The following DCK variants were observed in gnomAD, a reference collection of about 807,000 sequenced individuals.
DCK encodes deoxycytidine kinase.
A neutral mutation model predicts 38.3 loss-of-function variants in DCK; 23 were observed. The ratio of observed to expected loss-of-function variants is 0.60; its 90% confidence interval spans 0.43 to 0.85. The LOEUF (loss-of-function observed/expected upper bound fraction) is 0.85. Ranked by LOEUF, DCK falls within the 40% of genes least tolerant of loss-of-function variation. DCK has a pLI of 0.00. For missense variants in DCK, 259 were observed against 304.4 expected (o/e 0.85, Z 1.11); for synonymous variants, 108 against 100.6 (o/e 1.07, Z -0.44).
intron 2 of DCK, among the ~76,000 whole-genome samples, chr4:71,012,943 G>T (rs1471661712): frequency 6.6e-6 from 1 of 152,200 alleles, no homozygotes; most frequent in East Asian, 1.9e-4. Context: ...AGAGAAGAAG[G>T]CTTCAGATAA....
In DCK at chr4:71,007,916, G is replaced by A. The variant is rs555977531; in HGVS notation, c.207+9734G>A. Among the ~76,000 whole-genome samples the A allele has an allele frequency of 1.2e-3, 176 of 152,146 alleles. 1 individual carries two copies. The highest frequency in any genetic ancestry group is 4.5e-3 in the Admixed American group (69 of 15,276). ...TAATTTTTGTATTTTTTATAGAGACGGGGTTTTGCCATGTTACCCAGGCTG... is the reference window on the plus strand; with the variant it reads ...TAATTTTTGTATTTTTTATAGAGACAGGGTTTTGCCATGTTACCCAGGCTG... On this transcript the variant is annotated intron_variant, in intron 2 of 6. Transcript: ENST00000286648.
At chr4:71,014,392 T>C (rs2148916465) in intron 2 of DCK, among the ~76,000 whole-genome samples, 1 of 152,336 alleles carries the variant, frequency 6.6e-6, no homozygotes, top group East Asian at 1.9e-4. Flanking sequence ...TATCCAGGAA[T>C]TGAGCTCAGC....
intron 1 of DCK, among the ~76,000 whole-genome samples, chr4:70,996,030 A>AATGCTGAAAAAATG (rs1739652583): frequency 6.6e-6 from 1 of 152,118 alleles, no homozygotes; most frequent in Non-Finnish European, 1.5e-5. Context: ...CATAGTGAGA[A>AATGCTGAAAAAATG]CTAGTCTCTA....
intron 2 of DCK, among the ~76,000 whole-genome samples, chr4:71,001,559 T>C (rs912559180): frequency 2.0e-5 from 3 of 152,202 alleles, no homozygotes; most frequent in Non-Finnish European, 4.4e-5. Context: ...TCAGAAGGAA[T>C]AGTACCAGTT....
At chr4:70,996,517 G>T (rs1034473846) in intron 1 of DCK, among the ~76,000 whole-genome samples, 1 of 152,188 alleles carries the variant, frequency 6.6e-6, no homozygotes, top group Non-Finnish European at 1.5e-5. Context: ...GATGGAGCAT[G>T]TTCCTTGCCA....
chr4:71,011,928 C>G (rs1240585606), intron 2 of DCK, among the ~76,000 whole-genome samples: 2 of 152,048 alleles, frequency 1.3e-5, no homozygotes, highest in African/African-American at 4.8e-5. Flanking sequence ...CTGTATGTAT[C>G]TTTTACATAG....
intron 1 of DCK, among the ~76,000 whole-genome samples, chr4:70,994,767 C>T (rs1484910406): frequency 1.3e-5 from 2 of 152,162 alleles, no homozygotes; most frequent in African/African-American, 2.4e-5. Context: ...GTTCCTCACC[C>T]CTTACTCCAC....
At chr4:71,010,828 A>T (rs892260296) in intron 2 of DCK, among the ~76,000 whole-genome samples, 3 of 151,638 alleles carry the variant, frequency 2.0e-5, no homozygotes, top group African/African-American at 7.2e-5. Flanking sequence ...CTTTTATCCA[A>T]TACTTCTTAC....
chr4:71,018,263 A>C (rs1279769612), intron 2 of DCK, among the ~76,000 whole-genome samples: 1 of 151,668 alleles, frequency 6.6e-6, no homozygotes, highest in Non-Finnish European at 1.5e-5. Flanking sequence ...AGTAGCTGAG[A>C]CTACAGGCGC....
chr4:70,993,791 A>C lies in DCK; in HGVS notation c.-45A>C, dbSNP rs1308964306. ...GTGCGCGCACCCGTGGCCGCCTCCC[A>C]GCCCTCTTTGCCGGACGAGCTCTGG... On this transcript the variant is annotated 5_prime_UTR_variant, in exon 1 of 7. Transcript: ENST00000286648. The C allele has an allele frequency of 5.5e-6, 8 of 1,447,544 alleles. No homozygotes were observed. The highest frequency in any genetic ancestry group is 1.8e-5 in the Admixed American group (1 of 56,638). 89.7% of individuals were successfully genotyped at this position (1,447,544 alleles called of 1,614,324 possible). A position where few individuals can be genotyped will look rare whatever the true frequency, so the allele number is the denominator to read the frequency against.
chr4:71,015,401 G>C (rs1309474938), intron 2 of DCK, among the ~76,000 whole-genome samples: 2 of 152,170 alleles, frequency 1.3e-5, no homozygotes, highest in Non-Finnish European at 2.9e-5. Context: ...CCAATCAATA[G>C]AAAAAGAGGG....
chr4:71,023,137 T>G (rs1053948483), intron 3 of DCK, among the ~76,000 whole-genome samples: 3 of 152,222 alleles, frequency 2.0e-5, no homozygotes, highest in Admixed American at 2.0e-4. Context: ...CATATTAATA[T>G]AAATACATTT....
intron 2 of DCK, among the ~76,000 whole-genome samples, chr4:71,015,760 T>G (rs541527841): frequency 1.3e-5 from 2 of 152,318 alleles, no homozygotes; most frequent in African/African-American, 4.8e-5. Flanking sequence ...TCTCAATAAA[T>G]TAGGTATTGG....
chr4:71,011,428 C>T (rs1319402383), intron 2 of DCK, among the ~76,000 whole-genome samples: 2 of 151,944 alleles, frequency 1.3e-5, no homozygotes, highest in Admixed American at 6.6e-5. Context: ...TGAACCTCAG[C>T]CCACTGCAGC....
intron 2 of DCK, among the ~76,000 whole-genome samples, chr4:71,006,114 AC>A (rs1739932440): frequency 8.0e-6 from 1 of 125,620 alleles, no homozygotes; most frequent in African/African-American, 3.0e-5. Context: ...AAAAAAAAAA[AC>A]AGAAAAAACA....
chr4:71,023,022 T>G (rs1248418984), intron 3 of DCK, among the ~76,000 whole-genome samples: 1 of 152,188 alleles, frequency 6.6e-6, no homozygotes, highest in Non-Finnish European at 1.5e-5. Flanking sequence ...TTTCAATTCT[T>G]AATAACTATC....
In DCK at chr4:71,030,217, T is replaced by A. The variant is rs1454342701; in HGVS notation, c.*839T>A. 2.0e-5 allele frequency: 3 copies of A among 152,444 alleles called. No homozygotes were observed. The highest frequency in any genetic ancestry group is 4.4e-5 in the Non-Finnish European group (3 of 68,034). 9.4% of individuals were successfully genotyped at this position (152,444 alleles called of 1,614,324 possible). ...CATCCATTAATTAATGAGACACACTTAACTACTTATCTCTAAACCATCTAT... is the reference window on the plus strand; with the variant it reads ...CATCCATTAATTAATGAGACACACTAAACTACTTATCTCTAAACCATCTAT... On this transcript the variant is annotated 3_prime_UTR_variant, in exon 7 of 7. Coordinates refer to ENST00000286648, the MANE Select transcript of DCK (RefSeq NM_000788.3).
chr4:71,002,642 C>T (rs1321504994), intron 2 of DCK, among the ~76,000 whole-genome samples: 1 of 151,992 alleles, frequency 6.6e-6, no homozygotes, highest in African/African-American at 2.4e-5. Context: ...TCTGGGTGCT[C>T]CTGTATTGGG....
chr4:70,995,620 C>T (rs1578416389), intron 1 of DCK, among the ~76,000 whole-genome samples: 1 of 152,014 alleles, frequency 6.6e-6, no homozygotes, highest in African/African-American at 2.4e-5. Flanking sequence ...AATAACCCCT[C>T]GGATCAATAC....
Sources: allele counts gnomAD v4.1 joint callset (sites outside exome capture counted in the v4.1 genomes callset), GRCh38; gene constraint gnomAD v4.1.1; transcripts MANE v1.5; gene names NCBI Gene and HGNC (gene_info 2026-07-23, HGNC 2026-07-21).